GATA4: variants seen among roughly 807,000 people sequenced by gnomAD.
GATA4 encodes transcription factor GATA-4.
In GATA4, 7 loss-of-function variants were observed where a neutral mutation model predicts 37.9. The observed-to-expected ratio is 0.18, with a 90% CI of 0.11 to 0.35. GATA4 has a LOEUF of 0.35. Ranked by LOEUF, GATA4 falls within the 10% of genes least tolerant of loss-of-function variation. The pLI is 1.00. For missense variants in GATA4, 647 were observed against 653.0 expected, an observed-to-expected ratio of 0.99 and a Z score of 0.10; for synonymous variants, 372 against 292.6, an observed-to-expected ratio of 1.27 and a Z score of -2.77.
intron 4 of GATA4, 42 bp from the exon 5 acceptor site, chr8:11,755,004 G>A (rs375469366): frequency 3.1e-5 from 46 of 1,481,852 alleles, no homozygotes; most frequent in South Asian, 2.3e-4. Flanking sequence ...AGCAGACTAC[G>A]CAGAAATGGA....
intron 2 of GATA4, among the ~76,000 whole-genome samples, chr8:11,740,922 C>T (rs1479340517): frequency 6.6e-6 from 1 of 152,036 alleles, no homozygotes; most frequent in Non-Finnish European, 1.5e-5. Flanking sequence ...TTAGTAGAGA[C>T]AGGCTTTCAC....
chr8:11,720,778 G>GTTT (rs560648692), intron 2 of GATA4, among the ~76,000 whole-genome samples: 21 of 150,052 alleles, frequency 1.4e-4, no homozygotes, highest in Admixed American at 2.6e-4. Context: ...GACCTGATCT[G>GTTT]GTTTTTTTTT....
chr8:11,713,397 G>A (rs540683179), intron 2 of GATA4, among the ~76,000 whole-genome samples: 9 of 152,254 alleles, frequency 5.9e-5, no homozygotes, highest in Non-Finnish European at 8.8e-5. Context: ...AAATATTTGC[G>A]TAGGGATCTT....
intron 2 of GATA4, among the ~76,000 whole-genome samples, chr8:11,717,078 G>A (rs989722916): frequency 7.9e-5 from 12 of 152,098 alleles, no homozygotes; most frequent in African/African-American, 1.9e-4. Flanking sequence ...AAGGAGTATC[G>A]CTCTGCTATA....
chr8:11,714,816 C>A (rs1585611425), intron 2 of GATA4, among the ~76,000 whole-genome samples: 2 of 152,206 alleles, frequency 1.3e-5, no homozygotes, highest in East Asian at 3.8e-4. Flanking sequence ...AGAAAACAAA[C>A]ACACTGAGGT....
intron 6 of GATA4, 132 bp from the exon 7 acceptor site, chr8:11,758,161 C>T (rs1268304552): frequency 1.2e-6 from 1 of 830,530 alleles, no homozygotes; most frequent in Admixed American, 1.8e-5. Flanking sequence ...GAGAGAAGTG[C>T]TCCTTGGTCC....
At chr8:11,690,034 G>T (rs111621317), upstream of GATA4, among the ~76,000 whole-genome samples, 3 of 152,332 alleles carry the variant, frequency 2.0e-5, no homozygotes, top group African/African-American at 7.2e-5. Flanking sequence ...GAGTGGATTG[G>T]ACCAGAATCC....
intron 2 of GATA4, among the ~76,000 whole-genome samples, chr8:11,741,364 A>C (rs1801730230): frequency 1.3e-5 from 2 of 152,106 alleles, no homozygotes; most frequent in Admixed American, 1.3e-4. Flanking sequence ...CTGTAGTCCC[A>C]GCTACTCAGG....
intron 2 of GATA4, among the ~76,000 whole-genome samples, chr8:11,737,108 A>G (rs1248295813): frequency 6.6e-6 from 1 of 152,042 alleles, no homozygotes; most frequent in Non-Finnish European, 1.5e-5. Context: ...AGTGATGGCG[A>G]TTGGAGCTTA....
intron 2 of GATA4, among the ~76,000 whole-genome samples, chr8:11,747,167 G>A (rs1251115524): frequency 6.6e-6 from 1 of 152,256 alleles, no homozygotes; most frequent in Non-Finnish European, 1.5e-5. Flanking sequence ...AGCAGCATAG[G>A]AAGAATCTGG....
intron 1 of GATA4, among the ~76,000 whole-genome samples, chr8:11,677,610 A>T (rs1170878824): frequency 2.0e-5 from 3 of 152,074 alleles, no homozygotes; most frequent in Non-Finnish European, 4.4e-5. Context: ...CCCATGTCAG[A>T]CCCAGCCCAC....
chr8:11,699,471 A>G (rs982537317), upstream of GATA4, among the ~76,000 whole-genome samples: 3 of 152,074 alleles, frequency 2.0e-5, no homozygotes, highest in East Asian at 3.8e-4. Context: ...CAGACTCCCT[A>G]TGTTCTGGGT....
chr8:11,699,547 A>T (rs112275708), upstream of GATA4, among the ~76,000 whole-genome samples: 5,505 of 152,302 alleles, frequency 0.036, 124 homozygotes, highest in Middle Eastern at 0.099. Flanking sequence ...AGGTCCTTGG[A>T]TGGGGAGGGA....
intron 2 of GATA4, among the ~76,000 whole-genome samples, chr8:11,742,010 C>G (rs1189406375): frequency 6.6e-6 from 1 of 152,206 alleles, no homozygotes; most frequent in African/African-American, 2.4e-5. Context: ...TGTTGATTAG[C>G]TCTGTGGCCC....
At chr8:11,755,772 A>C (rs953960240) in intron 5 of GATA4, among the ~76,000 whole-genome samples, 2 of 152,108 alleles carry the variant, frequency 1.3e-5, no homozygotes, top group Non-Finnish European at 2.9e-5. Context: ...CTTCTGGGTC[A>C]ATGTTCTCTT....
At chr8:11,688,128 C>T (rs1010217205), upstream of GATA4, among the ~76,000 whole-genome samples, 3 of 152,178 alleles carry the variant, frequency 2.0e-5, no homozygotes, top group Non-Finnish European at 2.9e-5. Flanking sequence ...TATCATCCAG[C>T]CTTTCCAAGG....
intron 2 of GATA4, among the ~76,000 whole-genome samples, chr8:11,729,365 C>G (rs1203268952): frequency 2.6e-5 from 4 of 152,018 alleles, no homozygotes; most frequent in African/African-American, 9.7e-5. Context: ...GTCAGGAGTT[C>G]AAGACTAGCC....
Position 11,749,967 on chromosome 8 carries a change from T to C in GATA4, c.787-144T>C. 4.6e-6 allele frequency: 5 copies of C among 1,085,788 alleles called. No individual in the cohort carries two copies. The highest frequency in any genetic ancestry group is 6.9e-6 in the Non-Finnish European group (5 of 729,786). The allele number at this position is 1,085,788 out of a possible 1,614,324, so 67.3% of individuals were successfully genotyped here. ...CAGGTGACAGGAGAGTTAGGTGCCG[T>C]CACAGGTCAGAGATCTCATGCAGGG... On this transcript the variant is annotated intron_variant, in intron 3 of 6. Transcript: ENST00000532059. The surrounding 1 kb of genome is among the most constrained non-coding windows in gnomAD (Gnocchi z 4.6).
chr8:11,735,715 A>G (rs1801422073), intron 2 of GATA4, among the ~76,000 whole-genome samples: 1 of 152,166 alleles, frequency 6.6e-6, no homozygotes, highest in African/African-American at 2.4e-5. Context: ...GGCATGTGCC[A>G]CCACGCTGGC....
Sources: gnomAD v4.1 joint callset for allele counts (sites outside exome capture counted in the v4.1 genomes callset) on GRCh38, gnomAD v4.1.1 for gene constraint, Gnocchi (gnomAD v3.1) non-coding constraint, MANE v1.5 for transcripts, NCBI Gene and HGNC (gene_info 2026-07-23, HGNC 2026-07-21) for gene names.